F13A1: variants seen among roughly 807,000 people sequenced by gnomAD.
The protein encoded by F13A1 is FSF, A subunit.
A neutral mutation model predicts 80.1 loss-of-function variants in F13A1; 47 were observed. The ratio of observed to expected loss-of-function variants is 0.59; its 90% confidence interval spans 0.46 to 0.75. The LOEUF is 0.75. Among genes scored for constraint, F13A1 ranks in the 30% least tolerant of loss-of-function variants. The pLI is 0.00. For missense variants in F13A1, 817 were observed against 930.4 expected (o/e 0.88, Z 1.59); for synonymous variants, 349 against 344.9 (o/e 1.01, Z -0.13).
At chr6:6,266,449 C>G in intron 4 of F13A1, 109 bp downstream of exon 4, 1 of 1,552,600 alleles carries the variant, frequency 6.4e-7, no homozygotes, top group Non-Finnish European at 8.9e-7. Context: ...TGGCCTCAAG[C>G]GATCCTCCCA....
At chr6:6,212,375 AC>A (rs1761633683) in intron 8 of F13A1, among the ~76,000 whole-genome samples, 2 of 151,644 alleles carry the variant, frequency 1.3e-5, no homozygotes, top group Non-Finnish European at 2.9e-5. Context: ...CTGACCCCTG[AC>A]CCCCAAGCAG....
At chr6:6,246,414 G>A (rs1302869731) in intron 6 of F13A1, among the ~76,000 whole-genome samples, 2 of 152,188 alleles carry the variant, frequency 1.3e-5, no homozygotes, top group Non-Finnish European at 2.9e-5. Flanking sequence ...AATATTTTGT[G>A]TATATAAACA....
intron 3 of F13A1, among the ~76,000 whole-genome samples, chr6:6,282,898 C>T (rs1448015171): frequency 4.6e-5 from 7 of 152,194 alleles, no homozygotes; most frequent in Non-Finnish European, 1.5e-5. Context: ...TGCAGCCTGA[C>T]TCCCCCACTA....
At chr6:6,236,997 G>A (rs547179294) in intron 6 of F13A1, among the ~76,000 whole-genome samples, 79 of 152,236 alleles carry the variant, frequency 5.2e-4, no homozygotes, top group Non-Finnish European at 2.9e-5. Context: ...GACATGCTAG[G>A]GTTTTGCAAA....
At chr6:6,217,422 A>G (rs28537693) in intron 8 of F13A1, among the ~76,000 whole-genome samples, 6 of 151,072 alleles carry the variant, frequency 4.0e-5, no homozygotes, top group South Asian at 2.1e-4. Flanking sequence ...GTAAACTATC[A>G]CAAGAACAAA....
chr6:6,149,365 TAAAAA>T (rs1408379646), intron 14 of F13A1, among the ~76,000 whole-genome samples: 1 of 152,136 alleles, frequency 6.6e-6, no homozygotes, highest in Non-Finnish European at 1.5e-5. Flanking sequence ...AAAAAAAACT[TAAAAA>T]GAGAGATTGA....
chr6:6,166,873 G>A (rs936439033), intron 13 of F13A1, among the ~76,000 whole-genome samples: 6 of 152,192 alleles, frequency 3.9e-5, no homozygotes, highest in African/African-American at 1.4e-4. Context: ...TTACTATCTT[G>A]GTGATAGTCT....
intron 1 of F13A1, among the ~76,000 whole-genome samples, chr6:6,319,784 T>TCC (rs1219341746): frequency 7.7e-4 from 117 of 152,348 alleles, no homozygotes; most frequent in Non-Finnish European, 1.3e-3. Flanking sequence ...CTAAGGTGTC[T>TCC]GGTCTGAGAA....
chr6:6,238,350 G>GGTAA (rs1757439770), intron 6 of F13A1, among the ~76,000 whole-genome samples: 1 of 151,980 alleles, frequency 6.6e-6, no homozygotes, highest in African/African-American at 2.4e-5. Flanking sequence ...AACACCAAAA[G>GGTAA]GTAACTCAAG....
intron 14 of F13A1, 110 bp from the exon 15 acceptor site, chr6:6,145,882 G>C: frequency 6.9e-7 from 1 of 1,439,630 alleles, no homozygotes; most frequent in Non-Finnish European, 9.6e-7. Flanking sequence ...CTCAGTTGGT[G>C]CTTAGGACAC....
At chr6:6,225,414 G>C (rs1757262665) in intron 6 of F13A1, among the ~76,000 whole-genome samples, 1 of 152,316 alleles carries the variant, frequency 6.6e-6, no homozygotes, top group East Asian at 1.9e-4. Context: ...AACAGATGTT[G>C]TCTTGGAATC....
intron 8 of F13A1, among the ~76,000 whole-genome samples, chr6:6,215,133 C>A (rs1300984904): frequency 7.9e-6 from 1 of 127,034 alleles, no homozygotes; most frequent in African/African-American, 2.8e-5. Context: ...CTTTCTGAAA[C>A]TATTCCAATC....
At chr6:6,303,502 C>T (rs1412264444) in intron 3 of F13A1, among the ~76,000 whole-genome samples, 2 of 152,104 alleles carry the variant, frequency 1.3e-5, no homozygotes, top group Non-Finnish European at 2.9e-5. Flanking sequence ...TTAATTCAAG[C>T]TAATTAACAT....
At chr6:6,184,742 G>GC (rs1009787573) in intron 10 of F13A1, among the ~76,000 whole-genome samples, 7 of 152,140 alleles carry the variant, frequency 4.6e-5, no homozygotes, top group East Asian at 3.9e-4. Flanking sequence ...GCTGATTCCT[G>GC]CCCCCCCACC....
chr6:6,286,480 T>C (rs1758141553), intron 3 of F13A1, among the ~76,000 whole-genome samples: 1 of 152,228 alleles, frequency 6.6e-6, no homozygotes, highest in Non-Finnish European at 1.5e-5. Flanking sequence ...TTTCTTTCCT[T>C]TCATTCCTGT....
intron 10 of F13A1, among the ~76,000 whole-genome samples, chr6:6,184,348 C>T (rs936026944): frequency 1.3e-5 from 2 of 152,220 alleles, no homozygotes; most frequent in African/African-American, 4.8e-5. Context: ...CACCACCCTG[C>T]GGGAGCATGA....
At chr6:6,295,863 G>GT (rs1193336505) in intron 3 of F13A1, among the ~76,000 whole-genome samples, 2 of 138,494 alleles carry the variant, frequency 1.4e-5, no homozygotes, top group African/African-American at 6.4e-5. Context: ...TTCTTCTAGG[G>GT]TTTTTATGGT....
intron 10 of F13A1, 125 bp downstream of exon 10, chr6:6,195,672 C>A: frequency 2.5e-6 from 2 of 814,854 alleles, no homozygotes; most frequent in Admixed American, 2.0e-5. Flanking sequence ...TGCCTAGTTA[C>A]CTTTGTCAAC....
At chr6:6,320,015 G>A (rs1758749957) in intron 1 of F13A1, among the ~76,000 whole-genome samples, 1 of 152,206 alleles carries the variant, frequency 6.6e-6, no homozygotes, top group Non-Finnish European at 1.5e-5. Context: ...GCTGTCGGGA[G>A]ACACAGTGCT....
Sources: gnomAD v4.1 joint callset for allele counts (sites outside exome capture counted in the v4.1 genomes callset) on GRCh38, gnomAD v4.1.1 for gene constraint, MANE v1.5 for transcripts, NCBI Gene and HGNC (gene_info 2026-07-23, HGNC 2026-07-21) for gene names.